APBA2: variants seen among roughly 807,000 people sequenced by gnomAD.
APBA2 encodes the protein amyloid-beta A4 precursor protein-binding family A member 2.
A neutral mutation model predicts 75.0 loss-of-function variants in APBA2; 30 were observed. That is an observed-to-expected ratio of 0.40 (90% CI 0.30 to 0.54). The LOEUF is 0.54. APBA2 is among the 20% of genes least tolerant of loss of function. The pLI is 0.49. For missense variants in APBA2, 801 were observed against 1,016.1 expected, an observed-to-expected ratio of 0.79 and a Z score of 2.88; for synonymous variants, 444 against 409.6, an observed-to-expected ratio of 1.08 and a Z score of -1.01.
chr15:29,074,506 G>T (rs947480858), intron 4 of APBA2, among the ~76,000 whole-genome samples: 1 of 152,124 alleles, frequency 6.6e-6, no homozygotes, highest in Non-Finnish European at 1.5e-5. Flanking sequence ...TTGGGGTTGG[G>T]GTTGGGCATA....
chr15:28,942,605 A>G (rs58203174), intron 2 of APBA2, among the ~76,000 whole-genome samples: 45,441 of 152,056 alleles, frequency 0.3, 11,238 homozygotes, highest in African/African-American at 0.66. Context: ...CACCTGCCTG[A>G]TGCAGACTGC....
rs1873280 is a variant in APBA2 at position 29,046,006 on chromosome 15, T to C, written c.-40-7839T>C. On this transcript the variant is annotated intron_variant, in intron 3 of 14. Coordinates refer to ENST00000683413, the MANE Select transcript of APBA2 (RefSeq NM_001353788.2). The surrounding 1 kb of genome is among the most constrained non-coding windows in gnomAD (Gnocchi z 5.0). ...TAGAAGGAGTATGCAGTTAAAGTAA[T>C]TGGAGATTCTTTGACCAGACGTTTT... 0.12 allele frequency among the ~76,000 whole-genome samples: 17,741 copies of C among 152,122 alleles called. 1,211 individuals carry two copies. The highest frequency in any genetic ancestry group is 0.26 in the East Asian group (1,322 of 5,138).
chr15:28,912,205 G>A (rs2033462235), intron 1 of APBA2, among the ~76,000 whole-genome samples: 1 of 152,078 alleles, frequency 6.6e-6, no homozygotes, highest in Admixed American at 6.5e-5. Flanking sequence ...TCATATTTTG[G>A]GTCATGGAGA....
chr15:29,024,364 G>A (rs2152834663), intron 3 of APBA2, among the ~76,000 whole-genome samples: 1 of 152,278 alleles, frequency 6.6e-6, no homozygotes, highest in East Asian at 1.9e-4. Context: ...CCCAGTCTAT[G>A]GTAAACACTC....
chr15:28,908,061 G>A (rs1023361335), intron 1 of APBA2, among the ~76,000 whole-genome samples: 7 of 152,200 alleles, frequency 4.6e-5, no homozygotes, highest in Admixed American at 1.3e-4. Context: ...TACCCCGTGA[G>A]TGCAGGCCTG....
At chr15:28,944,487 C>T (rs1182127304) in intron 2 of APBA2, among the ~76,000 whole-genome samples, 2 of 152,228 alleles carry the variant, frequency 1.3e-5, no homozygotes, top group African/African-American at 4.8e-5. Context: ...GACACCTTCC[C>T]AGGCTGGGTC....
chr15:29,000,164 G>A (rs917237383), intron 3 of APBA2, among the ~76,000 whole-genome samples: 10 of 152,204 alleles, frequency 6.6e-5, no homozygotes, highest in African/African-American at 2.4e-4. Flanking sequence ...TTAACCAGAC[G>A]CATGGGCACC....
chr15:28,983,465 C>T (rs1425287989), intron 2 of APBA2, among the ~76,000 whole-genome samples: 1 of 152,196 alleles, frequency 6.6e-6, no homozygotes, highest in Non-Finnish European at 1.5e-5. Context: ...TTCTTTTCAG[C>T]ATTTGCCAAT....
chr15:28,970,179 A>C (rs1264871052), intron 2 of APBA2: 2 of 152,192 alleles, frequency 1.3e-5, no homozygotes, highest in Non-Finnish European at 2.9e-5. Context: ...TCTGAAAGGA[A>C]TACAGAGACG....
intron 3 of APBA2, among the ~76,000 whole-genome samples, chr15:29,037,480 G>T (rs1421888307): frequency 6.6e-6 from 1 of 152,104 alleles, no homozygotes. Context: ...GCCTCTGAGG[G>T]TTTGTTGGGA....
At position 29,108,365 on chromosome 15, in the gene APBA2, G is replaced by A. The variant is rs1156643003; in HGVS notation, c.2013G>A (p.Leu671=). ...LIKRPDLKYQ[L]GFSVQNGIIC... is the part of the protein sequence containing the mutation. ...AGCGGCCAGACCTCAAGTACCAGCT[G>A]GGCTTCAGCGTGCAGAATGGAATTG... is the stretch of plus-strand genomic sequence containing the variant. Residue 671 remains leucine, a synonymous_variant, in exon 13 of 15, where the codon CTG becomes CTA. Coordinates refer to ENST00000683413, the MANE Select transcript of APBA2 (RefSeq NM_001353788.2). 6.2e-7 allele frequency: 1 copy of A among 1,613,970 alleles called. No homozygotes were observed. Among genetic ancestry groups the A allele is most frequent in the African/African-American group, 1.3e-5 (1 of 74,946 alleles).
intron 1 of APBA2, among the ~76,000 whole-genome samples, chr15:28,903,680 T>A (rs2032989493): frequency 6.6e-6 from 1 of 152,208 alleles, no homozygotes; most frequent in Non-Finnish European, 1.5e-5. Flanking sequence ...GGGACCCCAC[T>A]GCCTCCCTAC....
At chr15:28,896,043 G>A (rs145153999) in intron 1 of APBA2, among the ~76,000 whole-genome samples, 2,066 of 152,248 alleles carry the variant, frequency 0.014, 55 homozygotes, top group African/African-American at 0.047. Flanking sequence ...AGCCCAGGAA[G>A]TTGAGGCTGC....
At chr15:29,077,761 A>G (rs1431611207) in intron 6 of APBA2, among the ~76,000 whole-genome samples, 1 of 152,248 alleles carries the variant, frequency 6.6e-6, no homozygotes, top group Non-Finnish European at 1.5e-5. Flanking sequence ...ATGAAAACAT[A>G]GAAAACTGAA....
At chr15:28,963,290 G>A (rs1270881531) in intron 2 of APBA2, among the ~76,000 whole-genome samples, 1 of 152,216 alleles carries the variant, frequency 6.6e-6, no homozygotes, top group Non-Finnish European at 1.5e-5. Flanking sequence ...TGTTAACTCA[G>A]GTGCTTTAGG....
intron 1 of APBA2, among the ~76,000 whole-genome samples, chr15:28,897,182 GAC>G (rs368122549): frequency 0.22 from 32,979 of 147,758 alleles, 3,613 homozygotes; most frequent in Middle Eastern, 0.27. Flanking sequence ...CAAAAGACAC[GAC>G]ACACACACAC....
intron 2 of APBA2, among the ~76,000 whole-genome samples, chr15:28,960,630 G>A (rs980425318): frequency 3.9e-5 from 6 of 152,170 alleles, no homozygotes; most frequent in Admixed American, 6.5e-5. Flanking sequence ...GAGGCTTCAG[G>A]TATGGGAAGG....
intron 3 of APBA2, among the ~76,000 whole-genome samples, chr15:29,038,359 G>A (rs902278): frequency 6.6e-6 from 1 of 152,200 alleles, no homozygotes; most frequent in Admixed American, 6.5e-5. Context: ...CAGCTATGGA[G>A]AAGCTCAGAG....
intron 10 of APBA2, 53 bp downstream of exon 10, chr15:29,101,837 G>C: frequency 6.3e-7 from 1 of 1,580,786 alleles, no homozygotes; most frequent in South Asian, 1.1e-5. Context: ...AGCCCAGGGC[G>C]GCTCCAGGAT....
Sources: gnomAD v4.1 joint callset for allele counts (sites outside exome capture counted in the v4.1 genomes callset) on GRCh38, gnomAD v4.1.1 for gene constraint, Gnocchi (gnomAD v3.1) non-coding constraint, MANE v1.5 for transcripts, NCBI Gene and HGNC (gene_info 2026-07-23, HGNC 2026-07-21) for gene names.